Variants in CPQ observed in about 807,000 individuals in gnomAD.
CPQ encodes Ser-Met dipeptidase.
In CPQ, 37 loss-of-function variants were observed where a neutral mutation model predicts 45.7. The ratio of observed to expected loss-of-function variants is 0.81; its 90% CI spans 0.62 to 1.07. The LOEUF (loss-of-function observed/expected upper bound fraction) is 1.07, where lower values mean the gene tolerates loss of function less well. Ranked by LOEUF, CPQ falls within the 50% of genes least tolerant of loss-of-function variation. The pLI is 0.00. For synonymous variants in CPQ, 186 were observed against 205.8 expected (o/e 0.90, Z 0.82); for missense variants, 537 against 572.9 (o/e 0.94, Z 0.64).
At chr8:96,880,038 A>C in intron 4 of CPQ, 33 bp downstream of exon 4, 1 of 1,572,814 alleles carries the variant, frequency 6.4e-7, no homozygotes, top group Admixed American at 1.7e-5. Flanking sequence ...CTAAGAATAC[A>C]GTTTCCTGGT....
At chr8:96,671,304 G>A (rs1282882925) in intron 1 of CPQ, among the ~76,000 whole-genome samples, 1 of 152,164 alleles carries the variant, frequency 6.6e-6, no homozygotes, top group African/African-American at 2.4e-5. Flanking sequence ...AAGATTTAGA[G>A]TACATATAAA....
intron 5 of CPQ, among the ~76,000 whole-genome samples, chr8:96,995,464 G>A (rs1192399944): frequency 6.6e-6 from 1 of 151,930 alleles, no homozygotes; most frequent in Non-Finnish European, 1.5e-5. Flanking sequence ...AGTGCATATA[G>A]TTTGAATGGA....
At chr8:96,898,274 C>G (rs1357537896) in intron 4 of CPQ, among the ~76,000 whole-genome samples, 1 of 152,110 alleles carries the variant, frequency 6.6e-6, no homozygotes, top group Non-Finnish European at 1.5e-5. Context: ...CTATGTCTCA[C>G]TGAGTTATTT....
chr8:96,794,044 A>T (rs1017454041), intron 2 of CPQ, among the ~76,000 whole-genome samples: 1 of 151,992 alleles, frequency 6.6e-6, no homozygotes, highest in South Asian at 2.1e-4. Context: ...CTGTTGGTGG[A>T]TCTATCATTC....
rs1812193382 is a variant in CPQ, at chr8:97,143,016, C to T, written c.1256-4C>T. 1 of 1,613,220 alleles carries T rather than the reference C, an allele frequency of 6.2e-7. No homozygotes were observed. Among genetic ancestry groups the T allele is most frequent in the Non-Finnish European group, 8.5e-7 (1 of 1,179,496 alleles). ...ACTAAGAATTCTTCCTCTTTTATCC[C>T]CAGGAGCCAGTCTACTTGATGACTT... is the stretch of plus-strand genomic sequence containing the variant. On this transcript the variant is annotated splice_region_variant and splice_polypyrimidine_tract_variant and intron_variant, in intron 7 of 7. Coordinates refer to ENST00000220763, the MANE Select transcript of CPQ (RefSeq NM_016134.4).
At chr8:96,889,375 G>T (rs1399134221) in intron 4 of CPQ, among the ~76,000 whole-genome samples, 1 of 152,126 alleles carries the variant, frequency 6.6e-6, no homozygotes, top group Admixed American at 6.6e-5. Context: ...TGAAGTTTGG[G>T]TATATGAGAG....
chr8:96,689,082 T>C (rs905250225), intron 1 of CPQ, among the ~76,000 whole-genome samples: 1 of 152,186 alleles, frequency 6.6e-6, no homozygotes, highest in African/African-American at 2.4e-5. Context: ...GAGAAACAAA[T>C]GTCTGCTCAT....
At chr8:96,931,181 C>A (rs1414533375) in intron 4 of CPQ, among the ~76,000 whole-genome samples, 1 of 152,202 alleles carries the variant, frequency 6.6e-6, no homozygotes, top group East Asian at 1.9e-4. Context: ...TACAGAGTAT[C>A]CTAGGGATGA....
intron 3 of CPQ, among the ~76,000 whole-genome samples, chr8:96,850,584 T>TTTTATTTATTTATTTA (rs199730159): frequency 8.1e-5 from 11 of 136,602 alleles, no homozygotes; most frequent in Admixed American, 5.1e-4. Context: ...TTTTATTTTA[T>TTTTATTTATTTATTTA]TTTATTTATT....
intron 5 of CPQ, among the ~76,000 whole-genome samples, chr8:97,002,119 T>C (rs1319345083): frequency 6.6e-6 from 1 of 152,120 alleles, no homozygotes; most frequent in Non-Finnish European, 1.5e-5. Flanking sequence ...ATATCCCCCT[T>C]ATCGTTTTTG....
chr8:96,715,719 G>T (rs1181322574), intron 1 of CPQ, among the ~76,000 whole-genome samples: 4 of 152,128 alleles, frequency 2.6e-5, no homozygotes, highest in African/African-American at 9.7e-5. Flanking sequence ...AGAAAGTTCT[G>T]GGACTCAAGA....
intron 4 of CPQ, among the ~76,000 whole-genome samples, chr8:96,962,717 A>T (rs750389194): frequency 1.2e-4 from 18 of 152,198 alleles, no homozygotes; most frequent in Non-Finnish European, 2.5e-4. Context: ...TGCTAGCCAC[A>T]TTCCATTTTG....
intron 1 of CPQ, among the ~76,000 whole-genome samples, chr8:96,703,618 T>C (rs1424496637): frequency 6.6e-6 from 1 of 152,114 alleles, no homozygotes; most frequent in African/African-American, 2.4e-5. Context: ...TACATACTAT[T>C]TGTTGAGTAC....
intron 7 of CPQ, among the ~76,000 whole-genome samples, chr8:97,078,910 A>T (rs1452156961): frequency 6.6e-6 from 1 of 150,932 alleles, no homozygotes; most frequent in African/African-American, 2.4e-5. Flanking sequence ...CAATCTTCCC[A>T]CCTCAGCCTC....
rs899240174 is a variant in CPQ, at chr8:97,135,240, G to A, written c.1256-7780G>A. Among the ~76,000 whole-genome samples, 74 of 152,250 alleles carry A rather than the reference G, an allele frequency of 4.9e-4. 1 individual carries two copies. Among genetic ancestry groups the A allele is most frequent in the African/African-American group, 1.7e-3 (69 of 41,562 alleles). On this transcript the variant is annotated intron_variant, in intron 7 of 7. Transcript: ENST00000220763. The stretch of plus-strand genomic sequence containing the variant: ...AAACTAAAAGTAGAATACTTTTAAT[G>A]GATTTGTGATTGAGGATTTTTTTTG...
At chr8:97,114,598 C>A (rs912871967) in intron 7 of CPQ, among the ~76,000 whole-genome samples, 4 of 152,132 alleles carry the variant, frequency 2.6e-5, no homozygotes, top group Admixed American at 2.6e-4. Flanking sequence ...AAGTATATAT[C>A]AAGAATTTCA....
chr8:96,708,899 A>C (rs75957409), intron 1 of CPQ, among the ~76,000 whole-genome samples: 1 of 152,174 alleles, frequency 6.6e-6, no homozygotes, highest in Non-Finnish European at 1.5e-5. Context: ...CCACTGTTGA[A>C]TATTCTTAAT....
chr8:96,840,046 C>G (rs1811586633), intron 3 of CPQ, among the ~76,000 whole-genome samples: 1 of 152,072 alleles, frequency 6.6e-6, no homozygotes, highest in Non-Finnish European at 1.5e-5. Flanking sequence ...ACCAAGCAAC[C>G]TGGAGAGCTA....
Position 97,043,621 on chromosome 8 carries a change from C to G in CPQ, c.1053+14127C>G, listed in dbSNP as rs979950042. ...ATTTGGCATGATTTTGCAGTGGCTG[C>G]TACCGGTTGTTCCTTTCCATGTTTA... is the stretch of plus-strand genomic sequence containing the variant. On this transcript the variant is annotated intron_variant, in intron 6 of 7. Transcript: ENST00000220763. 2.7e-3 allele frequency among the ~76,000 whole-genome samples: 406 copies of G among 152,274 alleles called. 2 individuals are homozygous for G. Among genetic ancestry groups the G allele is most frequent in the Non-Finnish European group, 4.6e-3 (315 of 68,010 alleles).
Sources: gnomAD v4.1 joint callset for allele counts (sites outside exome capture counted in the v4.1 genomes callset) on GRCh38, gnomAD v4.1.1 for gene constraint, MANE v1.5 for transcripts, NCBI Gene and HGNC (gene_info 2026-07-23, HGNC 2026-07-21) for gene names.